The following TENM2 variants were observed in gnomAD, a reference collection of about 807,000 sequenced individuals.
TENM2 encodes teneurin-2.
Under a neutral mutation model 245.2 loss-of-function variants are expected in TENM2, and 52 were observed. The observed-to-expected ratio is 0.21, with a 90% CI of 0.17 to 0.27. The LOEUF (loss-of-function observed/expected upper bound fraction) is 0.27. Among genes scored for constraint, TENM2 ranks in the 10% least tolerant of loss-of-function variants. The probability of loss-of-function intolerance (pLI) is 1.00; values close to 1 mark genes in which losing one functional copy is unlikely to be tolerated. For missense variants in TENM2, 3,046 were observed against 3,666.8 expected (o/e 0.83, Z 4.37); for synonymous variants, 1,363 against 1,438.9 (o/e 0.95, Z 1.19).
intron 2 of TENM2, among the ~76,000 whole-genome samples, chr5:167,856,325 T>A (rs1771096807): frequency 6.6e-6 from 1 of 152,046 alleles, no homozygotes; most frequent in South Asian, 2.1e-4. Flanking sequence ...CGCTTTGAGA[T>A]CCACAGATGA....
chr5:167,761,205 CT>C (rs1762642643), intron 2 of TENM2, among the ~76,000 whole-genome samples: 2 of 152,164 alleles, frequency 1.3e-5, no homozygotes, highest in Admixed American at 1.3e-4. Context: ...CTCTCCCCTG[CT>C]TATTTTCTTA....
At chr5:167,602,758 C>T (rs1003285199) in intron 2 of TENM2, among the ~76,000 whole-genome samples, 1 of 152,090 alleles carries the variant, frequency 6.6e-6, no homozygotes, top group African/African-American at 2.4e-5. Flanking sequence ...ATAAGTGGAA[C>T]TTATATTTTG....
chr5:167,004,385 C>T, the TENM2 span, among the ~76,000 whole-genome samples: 2 of 152,164 alleles, frequency 1.3e-5, no homozygotes, highest in African/African-American at 4.8e-5. Flanking sequence ...TTTAAGCTAG[C>T]CATTCATTAC....
chr5:167,240,407 A>AT, the TENM2 span, among the ~76,000 whole-genome samples: 2 of 151,468 alleles, frequency 1.3e-5, no homozygotes, highest in African/African-American at 4.9e-5. Context: ...AAGCTTTCTT[A>AT]TTTTTTTTAA....
chr5:167,374,563 G>A (rs1255593464), intron 1 of TENM2, among the ~76,000 whole-genome samples: 1 of 152,178 alleles, frequency 6.6e-6, no homozygotes, highest in Non-Finnish European at 1.5e-5. Flanking sequence ...GGTTCGTGGA[G>A]TTAAGGGAAT....
At chr5:168,261,955 T>G in intron 28 of TENM2, 94 bp from the exon 31 acceptor site, 1 of 1,260,254 alleles carries the variant, frequency 7.9e-7, no homozygotes, top group South Asian at 1.4e-5. Flanking sequence ...CACTAGTTCT[T>G]GCAGGAGAGT....
intron 2 of TENM2, among the ~76,000 whole-genome samples, chr5:167,872,544 GAAAGAGAAAGAAAGAAAGAAAGAA>G (rs1773048456): frequency 2.0e-5 from 1 of 48,810 alleles, no homozygotes; most frequent in Non-Finnish European, 6.0e-5. Flanking sequence ...AAGAAAGAAA[GAAAGAGAAAGAAAGAAAGAAAGAA>G]AGAAAGAAAG....
intron 2 of TENM2, among the ~76,000 whole-genome samples, chr5:167,548,371 G>C (rs1363207195): frequency 1.3e-5 from 2 of 152,108 alleles, no homozygotes; most frequent in African/African-American, 4.8e-5. Flanking sequence ...TCGTGAGAAG[G>C]AATGTGTGGT....
chr5:167,772,410 G>A (rs1427125223), intron 2 of TENM2, among the ~76,000 whole-genome samples: 3 of 152,134 alleles, frequency 2.0e-5, no homozygotes, highest in African/African-American at 4.8e-5. Context: ...TCACTGTCAG[G>A]ACATCACACT....
chr5:168,247,540 T>C lies in TENM2; in HGVS notation c.6601T>C (p.Tyr2201His). ...GGGGCCCTATGCCAATACCACGAAG[T>C]ACACCTATGACTACGATGGGGACGG... The change falls in exon 27 of 29, where the codon TAC becomes CAC. Residue 2201 changes from tyrosine to histidine, a missense_variant. Tyr to His is a moderately conservative substitution (Grantham distance 83). Coordinates refer to ENST00000518659, the Ensembl canonical transcript of TENM2. The surrounding 1 kb of genome is among the most constrained non-coding windows in gnomAD (Gnocchi z 7.8). The C allele has an allele frequency of 6.2e-7, 1 of 1,613,106 alleles. No homozygotes were observed. The highest frequency in any genetic ancestry group is 1.7e-4 in the Middle Eastern group (1 of 6,060).
chr5:168,149,604 C>G (rs1347091008), intron 12 of TENM2, among the ~76,000 whole-genome samples: 1 of 152,140 alleles, frequency 6.6e-6, no homozygotes, highest in Non-Finnish European at 1.5e-5. Context: ...CCTGGCTTAC[C>G]CAGATGGTCC....
intron 3 of TENM2, among the ~76,000 whole-genome samples, chr5:167,890,677 T>C (rs1774677640): frequency 6.6e-6 from 1 of 152,204 alleles, no homozygotes. Flanking sequence ...AGACTGCCCG[T>C]TTGAGATCAG....
At chr5:167,830,625 G>T (rs1487473824) in intron 2 of TENM2, among the ~76,000 whole-genome samples, 2 of 152,180 alleles carry the variant, frequency 1.3e-5, no homozygotes, top group Admixed American at 1.3e-4. Context: ...TGTGGCAGAG[G>T]AGGCAAACGA....
At chr5:167,138,645 G>C in the TENM2 span, among the ~76,000 whole-genome samples, 1 of 151,952 alleles carries the variant, frequency 6.6e-6, no homozygotes, top group Admixed American at 6.6e-5. Context: ...TTTTTGAGAC[G>C]GAGTTTTGCT....
chr5:167,890,970 T>A (rs1301523143), intron 3 of TENM2, among the ~76,000 whole-genome samples: 3 of 152,220 alleles, frequency 2.0e-5, no homozygotes. Context: ...TAACAGATAA[T>A]CCATTTGAGG....
chr5:166,979,693 T>C, the TENM2 span, among the ~76,000 whole-genome samples: 1 of 152,236 alleles, frequency 6.6e-6, no homozygotes, highest in Admixed American at 6.5e-5. Flanking sequence ...TGGTTTTCTA[T>C]GTATTTTTTT....
intron 2 of TENM2, among the ~76,000 whole-genome samples, chr5:167,392,748 TGTATC>T (rs1401336678): frequency 1.3e-5 from 2 of 152,214 alleles, no homozygotes; most frequent in Admixed American, 1.3e-4. Context: ...AATTTCAAAA[TGTATC>T]GAGTAATTCA....
chr5:168,020,869 T>A (rs1265825523), intron 5 of TENM2, among the ~76,000 whole-genome samples: 1 of 152,212 alleles, frequency 6.6e-6, no homozygotes, highest in African/African-American at 2.4e-5. Context: ...GAGTGCAGTT[T>A]CCTTGGTTCA....
At chr5:168,169,707 A>G (rs1041328942) in intron 13 of TENM2, among the ~76,000 whole-genome samples, 2 of 152,248 alleles carry the variant, frequency 1.3e-5, no homozygotes, top group Non-Finnish European at 2.9e-5. Flanking sequence ...CCCATGCCCA[A>G]ATAGTCCAGT....
Sources: allele counts gnomAD v4.1 joint callset (sites outside exome capture counted in the v4.1 genomes callset), GRCh38; gene constraint gnomAD v4.1.1; non-coding constraint Gnocchi (gnomAD v3.1); transcripts MANE v1.5; gene names NCBI Gene and HGNC (gene_info 2026-07-23, HGNC 2026-07-21).